Variants in LTBP1 observed in about 807,000 individuals in gnomAD.
LTBP1 encodes the protein latent transforming growth factor beta binding protein 1.
LTBP1 carries 129 observed loss-of-function variants against 207.6 expected under a neutral mutation model. That is an observed-to-expected ratio of 0.62 (90% CI 0.54 to 0.72). The LOEUF (loss-of-function observed/expected upper bound fraction) is 0.72, where lower values mean the gene tolerates loss of function less well. Ranked by LOEUF, LTBP1 falls within the 30% of genes least tolerant of loss-of-function variation. The probability of loss-of-function intolerance (pLI) is 0.00; values close to 1 mark genes in which losing one functional copy is unlikely to be tolerated. For missense variants in LTBP1, 2,281 were observed against 2,217.2 expected (o/e 1.03, Z -0.58); for synonymous variants, 963 against 833.7 (o/e 1.16, Z -2.67).
At chr2:32,956,553 A>G (rs981476385) in intron 2 of LTBP1, among the ~76,000 whole-genome samples, 1 of 152,074 alleles carries the variant, frequency 6.6e-6, no homozygotes, top group Non-Finnish European at 1.5e-5. Flanking sequence ...TTCTCTTGCT[A>G]TTTCCACTAC....
At chr2:33,021,658 C>T (rs2075174238) in intron 3 of LTBP1, among the ~76,000 whole-genome samples, 1 of 152,090 alleles carries the variant, frequency 6.6e-6, no homozygotes, top group African/African-American at 2.4e-5. Context: ...GAAAGGGAGT[C>T]CTTGCAAAGA....
intron 3 of LTBP1, among the ~76,000 whole-genome samples, chr2:33,098,409 A>G (rs543196768): frequency 2.0e-5 from 3 of 152,212 alleles, no homozygotes; most frequent in East Asian, 1.9e-4. Context: ...TTATTTAACT[A>G]TTAACTTTAT....
In LTBP1 at chr2:33,309,484, A is replaced by G. The variant is rs552089414; in HGVS notation, c.3532A>G (p.Ile1178Val). 5.0e-6 allele frequency: 8 copies of G among 1,611,250 alleles called. No individual in the cohort carries two copies. The highest frequency in any genetic ancestry group is 1.7e-5 in the Admixed American group (1 of 59,570). The stretch of plus-strand genomic sequence containing the variant: ...GAGTGTTTGCCAGAGAGGAGACTGC[A>G]TTAATACTGCAGGGTCCTATGATTG... ...DKSVCQRGDC[I>V]NTAGSYDCTC... is the part of the protein sequence containing the mutation. The change falls in exon 23 of 34, where the codon ATT (isoleucine) becomes GTT (valine). Residue 1178 changes from isoleucine (I) to valine (V), a missense_variant. Ile to Val is a conservative substitution (Grantham distance 29). This residue lies in a region of LTBP1 where 1,671 missense variants were observed against 1,634.8 expected (regional missense o/e 1.02). Coordinates refer to ENST00000404816, the MANE Select transcript of LTBP1 (RefSeq NM_206943.4).
chr2:33,027,292 A>G (rs1048573245), intron 3 of LTBP1, among the ~76,000 whole-genome samples: 6 of 152,196 alleles, frequency 3.9e-5, no homozygotes, highest in African/African-American at 1.4e-4. Flanking sequence ...CACATTGTAA[A>G]ACGATTACCA....
rs551947641 is a variant in LTBP1, at chr2:33,385,624, C to T, written c.4712-3560C>T. ...CTGAGGCTTGCCCAAAACTGCTAAG[C>T]TGGGAAGTAAGTGGTGCAGTCAGGA... On this transcript the variant is annotated intron_variant, in intron 31 of 33. Transcript: ENST00000404816. Among the ~76,000 whole-genome samples the T allele has an allele frequency of 5.9e-5, 9 of 152,280 alleles. No individual in the cohort carries two copies. In the East Asian group the frequency reaches 1.7e-3, roughly 29 times the overall value.
chr2:33,228,697 C>CTTTTTTTTTTTTTT (rs1244221993), intron 9 of LTBP1, among the ~76,000 whole-genome samples: 1,120 of 98,964 alleles, frequency 0.011, 228 homozygotes, highest in Non-Finnish European at 0.013. Flanking sequence ...GGGTTATACC[C>CTTTTTTTTTTTTTT]TTTTTTTTTT....
At chr2:33,266,132 T>C (rs1426181400) in intron 15 of LTBP1, among the ~76,000 whole-genome samples, 2 of 152,176 alleles carry the variant, frequency 1.3e-5, no homozygotes, top group Non-Finnish European at 2.9e-5. Flanking sequence ...CTCCTTGGCC[T>C]CTCCCCGCTG....
At chr2:33,110,465 G>A in intron 3 of LTBP1, 117 bp from the exon 4 acceptor site, 2 of 894,912 alleles carry the variant, frequency 2.2e-6, no homozygotes, top group Non-Finnish European at 3.4e-6. Flanking sequence ...AAAAAAATGA[G>A]CCTTGCTTGG....
intron 2 of LTBP1, among the ~76,000 whole-genome samples, chr2:32,953,532 G>A (rs1677543217): frequency 6.6e-6 from 1 of 152,220 alleles, no homozygotes; most frequent in African/African-American, 2.4e-5. Context: ...CAGAGGTCAA[G>A]TTCACACTAG....
chr2:33,158,634 T>G (rs1024775136), intron 5 of LTBP1, among the ~76,000 whole-genome samples: 2 of 152,158 alleles, frequency 1.3e-5, no homozygotes. Flanking sequence ...TCATTGACAT[T>G]GTGGTTGTCG....
At chr2:32,958,255 G>A (rs555485100) in intron 2 of LTBP1, among the ~76,000 whole-genome samples, 8 of 152,146 alleles carry the variant, frequency 5.3e-5, no homozygotes, top group African/African-American at 1.4e-4. Context: ...GGCTTGCTAC[G>A]GGGCTGCATT....
intron 20 of LTBP1, among the ~76,000 whole-genome samples, chr2:33,297,399 CTTTATTTATTTATTTATTTATTTA>C (rs58504404): frequency 5.0e-5 from 7 of 140,312 alleles, no homozygotes; most frequent in Non-Finnish European, 9.2e-5. Context: ...TAATATACTG[CTTTATTTATTTATTTATTTATTTA>C]TTTATTTATT....
At chr2:33,261,742 T>C (rs908148818) in intron 13 of LTBP1, among the ~76,000 whole-genome samples, 1 of 152,194 alleles carries the variant, frequency 6.6e-6, no homozygotes, top group Non-Finnish European at 1.5e-5. Context: ...ATCTGTGGGA[T>C]ATCTAAATGG....
At chr2:33,174,156 G>T (rs1281475627) in intron 5 of LTBP1, among the ~76,000 whole-genome samples, 1 of 143,268 alleles carries the variant, frequency 7.0e-6, no homozygotes, top group African/African-American at 2.5e-5. Flanking sequence ...TTCTAGCCAG[G>T]GCAATCAGGC....
rs1156633855 is a variant in LTBP1 at position 33,397,324 on chromosome 2, G to A, written c.4984+42G>A. The A allele has an allele frequency of 1.3e-5, 21 of 1,606,988 alleles. 1 individual carries two copies. Among genetic ancestry groups the A allele is most frequent in the East Asian group, 6.7e-5 (3 of 44,802 alleles). On this transcript the variant is annotated intron_variant, in intron 33 of 33. Transcript: ENST00000404816. Reference sequence around the variant, plus strand: ...TTTTATGGGACATTAATTTTTTCCTGACACCCCGTATCTCAGTCAGTAGAG... The same window carrying A: ...TTTTATGGGACATTAATTTTTTCCTAACACCCCGTATCTCAGTCAGTAGAG...
chr2:33,098,906 G>A lies in LTBP1; in HGVS notation c.864-11676G>A, dbSNP rs77821446. On this transcript the variant is annotated intron_variant, in intron 3 of 33. Coordinates refer to ENST00000404816, the MANE Select transcript of LTBP1 (RefSeq NM_206943.4). ...CTACCTTCACCATGTTCTCTGAACA[G>A]ACCTACCAAGTTGAGGCTTAAATTG... is the stretch of plus-strand genomic sequence containing the variant. Among the ~76,000 whole-genome samples the A allele has an allele frequency of 8.0e-3, 1,223 of 152,290 alleles. 12 individuals carry two copies. Among genetic ancestry groups the A allele is most frequent in the Non-Finnish European group, 0.013 (899 of 68,024 alleles).
intron 18 of LTBP1, among the ~76,000 whole-genome samples, chr2:33,276,486 T>C (rs1410832425): frequency 6.6e-6 from 1 of 152,376 alleles, no homozygotes; most frequent in East Asian, 1.9e-4. Flanking sequence ...ATTTATAGCA[T>C]GGTCACAATT....
intron 4 of LTBP1, among the ~76,000 whole-genome samples, chr2:33,121,019 A>G (rs1323122957): frequency 6.6e-6 from 1 of 152,144 alleles, no homozygotes; most frequent in Non-Finnish European, 1.5e-5. Flanking sequence ...TATAATTCGC[A>G]TGGAGCTAAC....
chr2:33,201,371 G>T (rs2089241672), intron 7 of LTBP1, among the ~76,000 whole-genome samples: 1 of 151,572 alleles, frequency 6.6e-6, no homozygotes, highest in Non-Finnish European at 1.5e-5. Context: ...GTAAACTATG[G>T]CAAGGACAAA....
Sources: allele counts gnomAD v4.1 joint callset (sites outside exome capture counted in the v4.1 genomes callset), GRCh38; gene constraint gnomAD v4.1.1; regional missense constraint gnomAD v4.1.1; transcripts MANE v1.5; gene names NCBI Gene and HGNC (gene_info 2026-07-23, HGNC 2026-07-21).